Variants in STAG1 observed in about 807,000 individuals in gnomAD.
STAG1 encodes the protein cohesin subunit SA-1.
A neutral mutation model predicts 170.9 loss-of-function variants in STAG1; 26 were observed. The ratio of observed to expected loss-of-function variants is 0.15; its 90% CI spans 0.11 to 0.21. The LOEUF is 0.21. STAG1 is among the 10% of genes least tolerant of loss of function. The probability of loss-of-function intolerance (pLI) is 1.00; values close to 1 mark genes in which losing one functional copy is unlikely to be tolerated. For synonymous variants in STAG1, 514 were observed against 497.7 expected (o/e 1.03, Z -0.44); for missense variants, 964 against 1,509.5 (o/e 0.64, Z 5.99).
chr3:136,490,540 T>C (rs528027595), intron 9 of STAG1, among the ~76,000 whole-genome samples: 10 of 152,180 alleles, frequency 6.6e-5, no homozygotes, highest in Non-Finnish European at 1.3e-4. Flanking sequence ...TTTTAGGCTT[T>C]AATAAGATTA....
At chr3:136,562,566 A>G (rs1452085667) in intron 5 of STAG1, among the ~76,000 whole-genome samples, 1 of 150,774 alleles carries the variant, frequency 6.6e-6, no homozygotes, top group Non-Finnish European at 1.5e-5. Flanking sequence ...CTCTACTTTA[A>G]GCTAGAACAG....
intron 4 of STAG1, among the ~76,000 whole-genome samples, chr3:136,584,236 G>A (rs948373891): frequency 1.3e-5 from 2 of 152,072 alleles, no homozygotes; most frequent in Admixed American, 1.3e-4. Context: ...AAAAATATCT[G>A]GACTGGACAC....
intron 22 of STAG1, among the ~76,000 whole-genome samples, chr3:136,391,376 T>C (rs935602363): frequency 6.7e-6 from 1 of 149,792 alleles, no homozygotes; most frequent in African/African-American, 2.5e-5. Context: ...CTCTTTTTTT[T>C]TTTTTTTTTT....
At chr3:136,569,514 C>A in intron 4 of STAG1, among the ~76,000 whole-genome samples, 1 of 151,394 alleles carries the variant, frequency 6.6e-6, no homozygotes. Flanking sequence ...TAAGATATTT[C>A]AACTAATTAA....
chr3:136,471,098 A>T (rs1299565608), intron 12 of STAG1, among the ~76,000 whole-genome samples: 4 of 139,940 alleles, frequency 2.9e-5, no homozygotes, highest in Non-Finnish European at 4.6e-5. Flanking sequence ...CACATTGTGC[A>T]CATGTACCCC....
intron 13 of STAG1, among the ~76,000 whole-genome samples, chr3:136,463,233 G>C (rs1056780572): frequency 2.6e-5 from 4 of 151,908 alleles, no homozygotes; most frequent in African/African-American, 9.7e-5. Flanking sequence ...TGCCCAGTAA[G>C]TAGCTGGTTT....
At chr3:136,409,736 T>C (rs142053086) in intron 21 of STAG1, among the ~76,000 whole-genome samples, 96 of 152,224 alleles carry the variant, frequency 6.3e-4, no homozygotes, top group African/African-American at 2.3e-3. Context: ...TAGCATCTAA[T>C]CTCTCCCCAT....
chr3:136,580,867 A>G (rs1414818162), intron 4 of STAG1, among the ~76,000 whole-genome samples: 2 of 151,594 alleles, frequency 1.3e-5, no homozygotes, highest in African/African-American at 2.4e-5. Context: ...TTTTTCACCA[A>G]ATTTTTTTCT....
At chr3:136,751,243 G>C (rs1323031973) in intron 1 of STAG1, among the ~76,000 whole-genome samples, 1 of 148,852 alleles carries the variant, frequency 6.7e-6, no homozygotes, top group Non-Finnish European at 1.5e-5. Context: ...CCCGGAGCAC[G>C]ATTCCCTGCA....
intron 1 of STAG1, among the ~76,000 whole-genome samples, chr3:136,750,162 C>A (rs1935156295): frequency 1.3e-5 from 2 of 152,114 alleles, no homozygotes; most frequent in Non-Finnish European, 2.9e-5. Flanking sequence ...TACACAATCA[C>A]CGTAAGATAC....
chr3:136,497,603 G>A (rs1423082602), intron 9 of STAG1, among the ~76,000 whole-genome samples: 1 of 152,134 alleles, frequency 6.6e-6, no homozygotes, highest in African/African-American at 2.4e-5. Flanking sequence ...CACTTTGGGA[G>A]GCCGAGGCGG....
chr3:136,687,861 C>T (rs1942587962), intron 1 of STAG1, among the ~76,000 whole-genome samples: 1 of 151,938 alleles, frequency 6.6e-6, no homozygotes, highest in African/African-American at 2.4e-5. Context: ...CTCAGCCTCC[C>T]GAGTAGCTGG....
Position 136,642,803 on chromosome 3 carries a change from A to G in STAG1, c.-83-11822T>C, listed in dbSNP as rs567807011. Among the ~76,000 whole-genome samples the G allele has an allele frequency of 7.6e-4, 115 of 152,316 alleles. No homozygotes were observed. The Middle Eastern group carries it at 0.014, about 18-fold the overall frequency. On this transcript the variant is annotated intron_variant, in intron 1 of 33. Coordinates refer to ENST00000383202, the MANE Select transcript of STAG1 (RefSeq NM_005862.3). ...AGAAGACCACAATCAAGGTGTTGGC[A>G]GGGCCATGCTCTCCCTGAAGCCTCT...
At chr3:136,681,499 G>T (rs932850762) in intron 1 of STAG1, among the ~76,000 whole-genome samples, 1 of 152,044 alleles carries the variant, frequency 6.6e-6, no homozygotes. Flanking sequence ...AGTATACAAG[G>T]CATGAGGTTA....
chr3:136,460,084 G>T (rs2089231539), intron 13 of STAG1, among the ~76,000 whole-genome samples: 1 of 151,722 alleles, frequency 6.6e-6, no homozygotes, highest in South Asian at 2.1e-4. Context: ...AACCACAATT[G>T]GTTTTTTAAA....
intron 4 of STAG1, among the ~76,000 whole-genome samples, chr3:136,573,856 A>C (rs1937354685): frequency 6.6e-6 from 1 of 152,088 alleles, no homozygotes; most frequent in Non-Finnish European, 1.5e-5. Flanking sequence ...CTGTAATCCC[A>C]GCTAATCAGG....
intron 5 of STAG1, among the ~76,000 whole-genome samples, chr3:136,562,632 G>A (rs1936892209): frequency 6.6e-6 from 1 of 151,998 alleles, no homozygotes. Flanking sequence ...CTGTTGCCCA[G>A]GCAGGAGTGC....
intron 31 of STAG1, 145 bp downstream of exon 31, chr3:136,341,296 C>T (rs545424265): frequency 6.9e-6 from 4 of 581,344 alleles, no homozygotes; most frequent in East Asian, 5.9e-5. Flanking sequence ...TAAGAACTCA[C>T]ACCCTCCTTT....
intron 6 of STAG1, among the ~76,000 whole-genome samples, chr3:136,527,264 C>T (rs1253785483): frequency 1.3e-5 from 2 of 152,168 alleles, no homozygotes; most frequent in African/African-American, 4.8e-5. Context: ...CACCATAGTC[C>T]CATATTTCTT....
Sources: allele counts gnomAD v4.1 joint callset (sites outside exome capture counted in the v4.1 genomes callset), GRCh38; gene constraint gnomAD v4.1.1; transcripts MANE v1.5; gene names NCBI Gene and HGNC (gene_info 2026-07-23, HGNC 2026-07-21).